SGCG: variants seen among roughly 807,000 people sequenced by gnomAD.
The protein encoded by SGCG is sarcoglycan gamma.
In SGCG, 26 loss-of-function variants were observed where a neutral mutation model predicts 29.3. The observed-to-expected ratio is 0.89, with a 90% CI of 0.65 to 1.23. SGCG has a LOEUF of 1.23. Ranked by LOEUF, SGCG falls within the 50% of genes most tolerant of loss-of-function variation. SGCG has a pLI of 0.00. For missense variants in SGCG, 353 were observed against 356.0 expected (o/e 0.99, Z 0.07); for synonymous variants, 145 against 129.7 (o/e 1.12, Z -0.80).
chr13:23,302,670 A>AGT (rs34910266), intron 6 of SGCG, among the ~76,000 whole-genome samples: 109,642 of 151,862 alleles, frequency 0.72, 41,480 homozygotes, highest in East Asian at 0.89. Flanking sequence ...AATTTTTAAA[A>AGT]GAAAAAATCA....
intron 2 of SGCG, among the ~76,000 whole-genome samples, chr13:23,227,318 A>G (rs1280509122): frequency 1.5e-5 from 2 of 135,648 alleles, no homozygotes. Context: ...AGAATGGGAA[A>G]AAAAAAAAAA....
At chr13:23,188,385 G>A (rs1877083109) in intron 1 of SGCG, among the ~76,000 whole-genome samples, 1 of 142,900 alleles carries the variant, frequency 7.0e-6, no homozygotes, top group African/African-American at 2.6e-5. Context: ...GAGTGCAATG[G>A]AGCGATCTCG....
intron 5 of SGCG, among the ~76,000 whole-genome samples, chr13:23,283,169 C>A (rs534949338): frequency 3.2e-4 from 49 of 152,194 alleles, no homozygotes; most frequent in African/African-American, 1.1e-3. Flanking sequence ...TCCTGAATAT[C>A]CTTGTTAATT....
At chr13:23,289,335 G>T (rs964529174) in intron 5 of SGCG, among the ~76,000 whole-genome samples, 4 of 152,192 alleles carry the variant, frequency 2.6e-5, no homozygotes, top group African/African-American at 7.2e-5. Context: ...GGTAACTCCA[G>T]GTTGTTGATT....
intron 4 of SGCG, among the ~76,000 whole-genome samples, chr13:23,264,080 A>T (rs756377152): frequency 3.9e-5 from 6 of 152,126 alleles, no homozygotes; most frequent in Non-Finnish European, 7.4e-5. Flanking sequence ...AGTGCTAGCC[A>T]GAGTAATCAT....
At chr13:23,314,276 A>C (rs192944864) in intron 6 of SGCG, among the ~76,000 whole-genome samples, 1 of 148,442 alleles carries the variant, frequency 6.7e-6, no homozygotes, top group Non-Finnish European at 1.5e-5. Context: ...GACAGAACTA[A>C]TAAGATATGG....
chr13:23,267,938 C>T lies in SGCG; in HGVS notation c.386-11421C>T, dbSNP rs558981384. 5 of 152,258 alleles carry T rather than the reference C, an allele frequency of 3.3e-5. No homozygotes were observed. In the East Asian group the frequency reaches 9.6e-4, roughly 29 times the overall value. 9.4% of individuals were successfully genotyped at this position (152,258 alleles called of 1,614,324 possible). ...GCTTCAAACGCAAGGCTGGAACAGG[C>T]TTTGGAAGTGCTGATACTAGAAGAA... is the stretch of plus-strand genomic sequence containing the variant. On this transcript the variant is annotated intron_variant, in intron 4 of 7. Transcript: ENST00000218867.
intron 1 of SGCG, among the ~76,000 whole-genome samples, chr13:23,197,991 C>T (rs1438443520): frequency 6.6e-6 from 1 of 152,038 alleles, no homozygotes; most frequent in Non-Finnish European, 1.5e-5. Context: ...TTTGTAGATA[C>T]GTGTTGAATG....
intron 6 of SGCG, among the ~76,000 whole-genome samples, chr13:23,306,062 G>T (rs1882349278): frequency 6.6e-6 from 1 of 152,062 alleles, no homozygotes; most frequent in Non-Finnish European, 1.5e-5. Flanking sequence ...ACAGGGTCTT[G>T]CTGTGTTGCC....
At chr13:23,305,326 C>T (rs9550954) in intron 6 of SGCG, among the ~76,000 whole-genome samples, 1 of 152,074 alleles carries the variant, frequency 6.6e-6, no homozygotes, top group African/African-American at 2.4e-5. Context: ...TCATTATTCC[C>T]TGTTACTGTT....
the SGCG span, among the ~76,000 whole-genome samples, chr13:23,162,110 T>TA: frequency 6.6e-6 from 1 of 152,228 alleles, no homozygotes; most frequent in Non-Finnish European, 1.5e-5. Context: ...TTAAAACTAC[T>TA]AAAACACCTC....
the SGCG span, among the ~76,000 whole-genome samples, chr13:23,174,100 C>A: frequency 1.3e-5 from 2 of 152,086 alleles, no homozygotes; most frequent in African/African-American, 4.8e-5. Context: ...GCTTCCCAAC[C>A]CTCCTTTCTG....
Position 23,203,746 on chromosome 13 carries a change from C to A in SGCG, c.52C>A (p.Pro18Thr), listed in dbSNP as rs759576122. 3.1e-6 allele frequency: 5 copies of A among 1,613,880 alleles called. No homozygotes were observed. In the East Asian group the frequency reaches 1.1e-4, roughly 36 times the overall value. ...CACAGAAGGCATCTGCATAGAGAGGCCAGAGAATCAGTATGTCTACAAAAT... is the reference window on the plus strand; with the variant it reads ...CACAGAAGGCATCTGCATAGAGAGGACAGAGAATCAGTATGTCTACAAAAT... ...TATEGICIERPENQYVYKIGI... is the reference protein window; with the variant it reads ...TATEGICIERTENQYVYKIGI... The change falls in exon 2 of 8, where the codon CCA becomes ACA. Residue 18 changes from proline (P) to threonine (T), a missense_variant. Pro to Thr is a conservative substitution (Grantham distance 38). Coordinates refer to ENST00000218867, the MANE Select transcript of SGCG (RefSeq NM_000231.3).
chr13:23,236,774 G>A (rs1044026825), intron 3 of SGCG, among the ~76,000 whole-genome samples: 5 of 151,964 alleles, frequency 3.3e-5, no homozygotes, highest in Admixed American at 2.0e-4. Flanking sequence ...AAATTATAGC[G>A]AATATCTTAG....
At chr13:23,292,596 T>C (rs961913518) in intron 5 of SGCG, among the ~76,000 whole-genome samples, 2 of 152,234 alleles carry the variant, frequency 1.3e-5, no homozygotes, top group African/African-American at 4.8e-5. Context: ...GTCTCCAGTT[T>C]TGTTTTACAA....
rs1883182878 is a variant in SGCG at position 23,324,937 on chromosome 13, G to A, written c.*396G>A. ...GCCCTGTTGAGAGTAGCCTTGCTCA[G>A]TACTAAAATGCCCCAAAGTTCTATA... is the stretch of plus-strand genomic sequence containing the variant. On this transcript the variant is annotated 3_prime_UTR_variant, in exon 8 of 8. Transcript: ENST00000218867. 3.3e-6 allele frequency: 1 copy of A among 301,146 alleles called. No homozygotes were observed. The highest frequency in any genetic ancestry group is 1.2e-3 in the Middle Eastern group (1 of 842). The allele number at this position is 301,146 out of a possible 1,614,324, so 18.7% of individuals were successfully genotyped here.
At chr13:23,187,454 C>T (rs1184298167) in intron 1 of SGCG, among the ~76,000 whole-genome samples, 4 of 152,182 alleles carry the variant, frequency 2.6e-5, no homozygotes, top group South Asian at 2.1e-4. Context: ...TACACAGGTG[C>T]GCTGCCTGTA....
chr13:23,170,628 T>C, the SGCG span: 1 of 152,160 alleles, frequency 6.6e-6, no homozygotes, highest in Non-Finnish European at 1.5e-5. Context: ...ACGTTAATTG[T>C]CTTGCCACCA....
At chr13:23,292,119 C>CTTTTTTTT (rs71100167) in intron 5 of SGCG, among the ~76,000 whole-genome samples, 9,354 of 147,368 alleles carry the variant, frequency 0.063, 438 homozygotes, top group Non-Finnish European at 0.099. Flanking sequence ...ACATTTCTTT[C>CTTTTTTTT]TTTTTTTTGA....
Sources: gnomAD v4.1 joint callset for allele counts (sites outside exome capture counted in the v4.1 genomes callset) on GRCh38, gnomAD v4.1.1 for gene constraint, MANE v1.5 for transcripts, NCBI Gene and HGNC (gene_info 2026-07-23, HGNC 2026-07-21) for gene names.